IQGAP1: variants seen among roughly 807,000 people sequenced by gnomAD.
IQGAP1 encodes the protein ras GTPase-activating-like protein IQGAP1.
Under a neutral mutation model 215.6 loss-of-function variants are expected in IQGAP1, and 66 were observed. That is an observed-to-expected ratio of 0.31 (90% CI 0.25 to 0.38). The LOEUF is 0.38. Ranked by LOEUF, IQGAP1 falls within the 10% of genes least tolerant of loss-of-function variation. The pLI is 1.00. For missense variants in IQGAP1, 1,712 were observed against 1,997.1 expected (o/e 0.86, Z 2.72); for synonymous variants, 772 against 728.7 (o/e 1.06, Z -0.96).
At chr15:90,490,839 C>T (rs755208339) in intron 33 of IQGAP1, among the ~76,000 whole-genome samples, 2 of 152,128 alleles carry the variant, frequency 1.3e-5, no homozygotes, top group Non-Finnish European at 1.5e-5. Flanking sequence ...GACGGAGTCT[C>T]GCTCTGTCGC....
At chr15:90,483,195 A>G (rs1262025595) in intron 28 of IQGAP1, 166 bp from the exon 29 acceptor site, 1 of 588,042 alleles carries the variant, frequency 1.7e-6, no homozygotes, top group Non-Finnish European at 3.0e-6. Flanking sequence ...GTTCCAGGCC[A>G]TGAGAGAGAG....
At position 90,449,650 on chromosome 15, in the gene IQGAP1, G is replaced by A. The variant is rs766793940; in HGVS notation, c.1162+7G>A. The A allele has an allele frequency of 3.1e-6, 5 of 1,606,222 alleles. No individual in the cohort carries two copies. The highest frequency in any genetic ancestry group is 1.3e-5 in the African/African-American group (1 of 74,744). ...GCCCAGCAATATCAGAGAAGTAAGA[G>A]TCCATTGAAATTGTATGGGAGGAAA... On this transcript the variant is annotated splice_region_variant and intron_variant, in intron 11 of 37. Coordinates refer to ENST00000268182, the MANE Select transcript of IQGAP1 (RefSeq NM_003870.4).
intron 3 of IQGAP1, among the ~76,000 whole-genome samples, chr15:90,427,562 A>C (rs1292951469): frequency 6.6e-6 from 1 of 152,162 alleles, no homozygotes; most frequent in African/African-American, 2.4e-5. Flanking sequence ...CAACTTGGTG[A>C]AACCCCATCT....
intron 2 of IQGAP1, among the ~76,000 whole-genome samples, chr15:90,393,238 A>G (rs1964662187): frequency 6.6e-6 from 1 of 152,164 alleles, no homozygotes; most frequent in South Asian, 2.1e-4. Context: ...ACCTGCAGAT[A>G]TCAGAATCCA....
Position 90,438,730 on chromosome 15 carries a change from C to CTT in IQGAP1, c.468-591_468-590dup, listed in dbSNP as rs201641534. ...ATTATATTAACATTAATGTTAACAT[C>CTT]TTTTTTTTTTTTGAAACGGAATCTC... On this transcript the variant is annotated intron_variant, in intron 5 of 37. Coordinates refer to ENST00000268182, the MANE Select transcript of IQGAP1 (RefSeq NM_003870.4). 7.5e-3 allele frequency among the ~76,000 whole-genome samples: 1,093 copies of CTT among 146,550 alleles called. 8 individuals carry two copies. The highest frequency in any genetic ancestry group is 0.011 in the Non-Finnish European group (760 of 66,354).
chr15:90,423,175 C>T (rs1315531487), intron 2 of IQGAP1, among the ~76,000 whole-genome samples: 1 of 152,094 alleles, frequency 6.6e-6, no homozygotes, highest in Non-Finnish European at 1.5e-5. Context: ...CGAGTAGAAT[C>T]CAAACTTCTG....
Position 90,453,168 on chromosome 15 carries a change from G to A in IQGAP1, c.1363G>A (p.Glu455Lys), listed in dbSNP as rs553287794. ...LTHPELSVAVEMLSSVALINR... is the reference protein window; with the variant it reads ...LTHPELSVAVKMLSSVALINR... Reference sequence around the variant, plus strand: ...CCACCCAGAGCTCTCTGTCGCAGTGGAGATGTTGTCATCGGTGGCCCTGAT... The same window carrying A: ...CCACCCAGAGCTCTCTGTCGCAGTGAAGATGTTGTCATCGGTGGCCCTGAT... Residue 455 changes from glutamate to lysine, a missense_variant, in exon 13 of 38, where the codon GAG (glutamate) becomes AAG (lysine). Around this residue, in one of 2 missense-constraint regions of IQGAP1, gnomAD observed 1,021 missense variants for 1,074.2 expected, o/e 0.95. Coordinates refer to ENST00000268182, the MANE Select transcript of IQGAP1 (RefSeq NM_003870.4). The A allele has an allele frequency of 1.2e-6, 2 of 1,613,930 alleles. No homozygotes were observed. Among genetic ancestry groups the A allele is most frequent in the African/African-American group, 1.3e-5 (1 of 75,010 alleles).
rs1205899648 is a variant in IQGAP1, at chr15:90,502,050, C to G, written c.*1942C>G. The G allele has an allele frequency of 6.6e-6, 1 of 152,652 alleles. No individual in the cohort carries two copies. Among genetic ancestry groups the G allele is most frequent in the Non-Finnish European group, 1.5e-5 (1 of 68,046 alleles). 9.5% of individuals were successfully genotyped at this position (152,652 alleles called of 1,614,324 possible). A position where few individuals can be genotyped will look rare whatever the true frequency, so the allele number is the denominator to read the frequency against. ...CTCATGGCGTTGAAACCACACAGTT[C>G]TCATTACTGTTATTTATTAGCTGTA... On this transcript the variant is annotated 3_prime_UTR_variant, in exon 38 of 38. Transcript: ENST00000268182.
chr15:90,486,325 A>G (rs900028386), intron 31 of IQGAP1, 193 bp downstream of exon 31: 6 of 438,732 alleles, frequency 1.4e-5, no homozygotes, highest in Admixed American at 3.9e-5. Flanking sequence ...ATCAATATCT[A>G]TAAGGAACTG....
intron 2 of IQGAP1, among the ~76,000 whole-genome samples, chr15:90,416,369 G>A (rs1390208700): frequency 6.6e-6 from 1 of 152,114 alleles, no homozygotes; most frequent in Non-Finnish European, 1.5e-5. Context: ...AAACATACGT[G>A]CGCATGTGTC....
intron 36 of IQGAP1, among the ~76,000 whole-genome samples, chr15:90,495,137 A>T (rs971814998): frequency 3.9e-5 from 6 of 152,242 alleles, no homozygotes; most frequent in Non-Finnish European, 8.8e-5. Context: ...TGAACCAAGA[A>T]TAAATTAAGA....
Position 90,474,099 on chromosome 15 carries a change from G to A in IQGAP1, c.2541G>A (p.Arg847=), listed in dbSNP as rs776635166. The change falls in exon 22 of 38, where the codon CGG becomes CGA. Residue 847 remains arginine, a synonymous_variant. Transcript: ENST00000268182. ...NDIIKIQAFI[R]ANKARDDYKT... is the part of the protein sequence containing the mutation. ...TTATCAAAATCCAGGCTTTTATTCG[G>A]GCAAACAAAGCTCGGGATGACTACA... is the stretch of plus-strand genomic sequence containing the variant. 1 of 1,613,070 alleles carries A rather than the reference G, an allele frequency of 6.2e-7. No homozygotes were observed. The highest frequency in any genetic ancestry group is 8.5e-7 in the Non-Finnish European group (1 of 1,179,676).
intron 15 of IQGAP1, among the ~76,000 whole-genome samples, chr15:90,464,069 A>G (rs932080725): frequency 6.6e-6 from 1 of 152,236 alleles, no homozygotes; most frequent in Admixed American, 6.5e-5. Flanking sequence ...TGATTTACTA[A>G]GTTCTTTATT....
intron 5 of IQGAP1, among the ~76,000 whole-genome samples, chr15:90,435,837 T>G (rs141461838): frequency 2.9e-4 from 44 of 152,342 alleles, no homozygotes; most frequent in African/African-American, 1.0e-3. Flanking sequence ...GCAGTGTGTT[T>G]CGTGATTTAT....
chr15:90,435,505 T>C (rs1965358813), intron 5 of IQGAP1, among the ~76,000 whole-genome samples: 1 of 152,178 alleles, frequency 6.6e-6, no homozygotes, highest in Admixed American at 6.6e-5. Context: ...TTACCAAATA[T>C]GTGTGTCTGA....
Position 90,501,404 on chromosome 15 carries a change from CTT to C in IQGAP1, c.*1300_*1301del, listed in dbSNP as rs544933744. The C allele has an allele frequency of 9.8e-4, 143 of 146,064 alleles. 1 individual carries two copies. Among genetic ancestry groups the C allele is most frequent in the South Asian group, 8.5e-3 (40 of 4,716 alleles). The allele number at this position is 146,064 out of a possible 1,614,324, so 9.0% of individuals were successfully genotyped here. Reference sequence around the variant, plus strand: ...TCATACACTTTAAAAAAAAAAAAAACTTTTTCCAGGAAAATATATTGAAATCA... The same window carrying C: ...TCATACACTTTAAAAAAAAAAAAAACTTTCCAGGAAAATATATTGAAATCA... On this transcript the variant is annotated 3_prime_UTR_variant, in exon 38 of 38. Transcript: ENST00000268182.
intron 14 of IQGAP1, among the ~76,000 whole-genome samples, chr15:90,455,072 G>C (rs1447177520): frequency 1.3e-4 from 20 of 152,198 alleles, no homozygotes; most frequent in Admixed American, 1.3e-3. Flanking sequence ...AGGATCAGCT[G>C]AAAGAAGAGA....
intron 2 of IQGAP1, among the ~76,000 whole-genome samples, chr15:90,408,949 G>A (rs1664954627): frequency 6.6e-6 from 1 of 152,086 alleles, no homozygotes; most frequent in Non-Finnish European, 1.5e-5. Flanking sequence ...ATGCCACCAT[G>A]CTGGCTTAAC....
rs143728243 is a variant in IQGAP1, at chr15:90,464,497, C to T, written c.1777-1504C>T. 6.1e-3 allele frequency among the ~76,000 whole-genome samples: 930 copies of T among 152,214 alleles called. 8 individuals are homozygous for T. Among genetic ancestry groups the T allele is most frequent in the Non-Finnish European group, 6.5e-3 (444 of 68,024 alleles). On this transcript the variant is annotated intron_variant, in intron 15 of 37. Transcript: ENST00000268182. Reference sequence around the variant, plus strand: ...AACTCTCAGTAACAGTAGTGACTACCTGGGGCTAATCCATAAGCTACTTCC... The same window carrying T: ...AACTCTCAGTAACAGTAGTGACTACTTGGGGCTAATCCATAAGCTACTTCC...
Sources: gnomAD v4.1 joint callset for allele counts (sites outside exome capture counted in the v4.1 genomes callset) on GRCh38, gnomAD v4.1.1 for gene constraint, gnomAD v4.1.1 regional missense constraint, MANE v1.5 for transcripts, NCBI Gene and HGNC (gene_info 2026-07-23, HGNC 2026-07-21) for gene names.